The following DNAH11 variants were observed in gnomAD, a reference collection of about 807,000 sequenced individuals.
DNAH11 encodes axonemal beta dynein heavy chain 11.
A neutral mutation model predicts 526.0 loss-of-function variants in DNAH11; 442 were observed. That is an observed-to-expected ratio of 0.84 (90% CI 0.78 to 0.91). DNAH11 has a LOEUF of 0.91. Among genes scored for constraint, DNAH11 ranks in the 40% least tolerant of loss-of-function variants. The pLI is 0.00. For missense variants in DNAH11, 6,989 were observed against 5,448.7 expected (o/e 1.28, Z -8.90); for synonymous variants, 2,461 against 1,935.9 (o/e 1.27, Z -7.12).
At chr7:21,789,483 A>G in intron 61 of DNAH11, 141 bp downstream of exon 61, 2 of 575,900 alleles carry the variant, frequency 3.5e-6, no homozygotes, top group Non-Finnish European at 6.2e-6. Context: ...ATTTCCTTAT[A>G]TACCATTCAG....
intron 14 of DNAH11, among the ~76,000 whole-genome samples, chr7:21,594,372 T>A (rs1425259766): frequency 6.6e-6 from 1 of 152,172 alleles, no homozygotes; most frequent in Non-Finnish European, 1.5e-5. Context: ...ACCCAGCACC[T>A]TTCTAGGTTT....
In DNAH11 at chr7:21,900,028, C is replaced by A; in HGVS notation, c.13211C>A (p.Thr4404Lys). 2 of 1,613,916 alleles carry A rather than the reference C, an allele frequency of 1.2e-6. No individual in the cohort carries two copies. Among genetic ancestry groups the A allele is most frequent in the Non-Finnish European group, 8.5e-7 (1 of 1,179,842 alleles). Residue 4404 changes from threonine to lysine, a missense_variant, in exon 81 of 82, where the codon ACG becomes AAG. Thr to Lys is a moderately conservative substitution (Grantham distance 78, BLOSUM62 -1). Coordinates refer to ENST00000409508, the MANE Select transcript of DNAH11 (RefSeq NM_001277115.2). Reference sequence around the variant, plus strand: ...AAAAATGAGTGGCCCCTGGATAAAACGCGCTTGACTGCTGATGTTACCAAA... The same window carrying A: ...AAAAATGAGTGGCCCCTGGATAAAAAGCGCTTGACTGCTGATGTTACCAAA... ...ARKNEWPLDK[T>K]RLTADVTKKT...
At chr7:21,814,704 T>C (rs1236463492) in intron 63 of DNAH11, among the ~76,000 whole-genome samples, 1 of 152,124 alleles carries the variant, frequency 6.6e-6, no homozygotes, top group African/African-American at 2.4e-5. Context: ...GATAGGAATT[T>C]TTCGGCTCCA....
At chr7:21,889,587 A>G (rs1784257178) in intron 76 of DNAH11, among the ~76,000 whole-genome samples, 1 of 152,134 alleles carries the variant, frequency 6.6e-6, no homozygotes. Context: ...TATTTTAGCC[A>G]TTCTGGTGGA....
intron 65 of DNAH11, among the ~76,000 whole-genome samples, chr7:21,831,323 T>C (rs1781758492): frequency 1.3e-5 from 2 of 152,340 alleles, no homozygotes; most frequent in Middle Eastern, 3.4e-3. Context: ...TGGTTAACTT[T>C]GTAGCTTTTT....
At chr7:21,816,831 A>G (rs1189102053) in intron 64 of DNAH11, 129 bp downstream of exon 64, 1 of 735,728 alleles carries the variant, frequency 1.4e-6, no homozygotes, top group Non-Finnish European at 2.2e-6. Flanking sequence ...CTATTTGTTT[A>G]TCTGCCTGTT....
intron 30 of DNAH11, among the ~76,000 whole-genome samples, chr7:21,661,758 CG>C (rs1260360955): frequency 6.6e-6 from 1 of 152,044 alleles, no homozygotes; most frequent in Non-Finnish European, 1.5e-5. Flanking sequence ...CTGCAAAACA[CG>C]GACAATGACA....
In DNAH11 at chr7:21,866,530, C is replaced by G. The variant is rs1223450726; in HGVS notation, c.11557C>G (p.Gln3853Glu). ...IDRDVEGSAK[Q>E]WRKWVESECP... ...CCGAGATGTGGAAGGATCTGCCAAG[C>G]AGTGGAGGAAGTGGGTAGAATCCGA... The change falls in exon 71 of 82, where the codon CAG (glutamine) becomes GAG (glutamate). Residue 3853 changes from glutamine to glutamate, a missense_variant. Gln to Glu is a conservative substitution (Grantham distance 29). Transcript: ENST00000409508. 1 of 1,613,632 alleles carries G rather than the reference C, an allele frequency of 6.2e-7. No homozygotes were observed.
chr7:21,706,128 G>T (rs74932800), intron 39 of DNAH11, among the ~76,000 whole-genome samples: 1,660 of 152,216 alleles, frequency 0.011, 28 homozygotes, highest in African/African-American at 0.035. Context: ...CCACATTTTT[G>T]ATGTACCTAT....
At chr7:21,728,120 A>G (rs1274920589) in intron 45 of DNAH11, among the ~76,000 whole-genome samples, 2 of 152,134 alleles carry the variant, frequency 1.3e-5, no homozygotes, top group East Asian at 3.8e-4. Context: ...TAAGGCTTCA[A>G]GAGATGAATT....
intron 72 of DNAH11, 97 bp downstream of exon 72, chr7:21,868,104 CTTT>C (rs55801704): frequency 2.9e-4 from 200 of 696,968 alleles, no homozygotes; most frequent in African/African-American, 7.2e-4. Context: ...ATCTTAGTTT[CTTT>C]TTTTTTTTTT....
intron 66 of DNAH11, among the ~76,000 whole-genome samples, chr7:21,849,329 T>C (rs1315968686): frequency 6.6e-6 from 1 of 152,276 alleles, no homozygotes; most frequent in African/African-American, 2.4e-5. Context: ...ACTGACTGTA[T>C]TGCTTTTATT....
At chr7:21,841,623 T>G (rs2097735) in intron 65 of DNAH11, among the ~76,000 whole-genome samples, 101,482 of 152,036 alleles carry the variant, frequency 0.67, 34,271 homozygotes, top group African/African-American at 0.7. Context: ...TGTGTGAGTG[T>G]CCCTGCCATG....
intron 6 of DNAH11, 134 bp from the exon 7 acceptor site, chr7:21,569,935 G>A: frequency 1.5e-6 from 1 of 671,152 alleles, no homozygotes. Context: ...TAGAACTTGT[G>A]CTTTCTTTCT....
intron 65 of DNAH11, among the ~76,000 whole-genome samples, chr7:21,830,234 A>G (rs920209998): frequency 3.9e-5 from 6 of 152,140 alleles, no homozygotes; most frequent in South Asian, 4.1e-4. Flanking sequence ...AGAGCTAAAC[A>G]GTAGAAAACT....
intron 50 of DNAH11, 28 bp from the exon 51 acceptor site, chr7:21,744,842 C>A: frequency 6.3e-7 from 1 of 1,585,748 alleles, no homozygotes. Context: ...GGTTGACATG[C>A]CATATTTTTC....
chr7:21,851,419 C>G (rs1782632536), intron 66 of DNAH11: 2 of 361,298 alleles, frequency 5.5e-6, no homozygotes, highest in Non-Finnish European at 1.1e-5. Flanking sequence ...TTTATCGCAC[C>G]TTGAGAGCAG....
chr7:21,694,631 G>C (rs1245190837), intron 35 of DNAH11, among the ~76,000 whole-genome samples: 1 of 152,104 alleles, frequency 6.6e-6, no homozygotes, highest in Non-Finnish European at 1.5e-5. Flanking sequence ...CCAAGTCTTT[G>C]CTATTGTAAA....
chr7:21,775,053 C>T (rs1472430280), intron 56 of DNAH11, among the ~76,000 whole-genome samples: 1 of 152,168 alleles, frequency 6.6e-6, no homozygotes, highest in Non-Finnish European at 1.5e-5. Flanking sequence ...CACCTTTTCA[C>T]TCTGAAGGGC....
Sources: allele counts gnomAD v4.1 joint callset (sites outside exome capture counted in the v4.1 genomes callset), GRCh38; gene constraint gnomAD v4.1.1; transcripts MANE v1.5; gene names NCBI Gene and HGNC (gene_info 2026-07-23, HGNC 2026-07-21).